Variants in SGTB observed in about 807,000 individuals in gnomAD.
The protein encoded by SGTB is small glutamine-rich tetratricopeptide repeat-containing protein beta.
SGTB carries 19 observed loss-of-function variants against 43.9 expected under a neutral mutation model. The ratio of observed to expected loss-of-function variants is 0.43; its 90% CI spans 0.30 to 0.63. The LOEUF is 0.63. SGTB is among the 30% of genes least tolerant of loss of function. The pLI, the probability that SGTB is intolerant of heterozygous loss-of-function variation, is 0.12. For synonymous variants in SGTB, 116 were observed against 117.3 expected, an observed-to-expected ratio of 0.99 and a Z score of 0.07; for missense variants, 304 against 358.9, an observed-to-expected ratio of 0.85 and a Z score of 1.24.
At chr5:65,716,029 C>T (rs951450148) in intron 2 of SGTB, among the ~76,000 whole-genome samples, 4 of 152,208 alleles carry the variant, frequency 2.6e-5, no homozygotes, top group Non-Finnish European at 4.4e-5. Context: ...CTCGGCCTCC[C>T]GAAGTACTGG....
intron 8 of SGTB, among the ~76,000 whole-genome samples, chr5:65,672,998 A>C (rs1757188135): frequency 6.6e-6 from 1 of 152,218 alleles, no homozygotes; most frequent in African/African-American, 2.4e-5. Flanking sequence ...AAGGCATTAC[A>C]CAGGAAAAGC....
rs1345913366 is a variant in SGTB, at chr5:65,665,928, T to A, written c.*4318A>T. The A allele has an allele frequency of 6.6e-6, 1 of 152,602 alleles. No homozygotes were observed. Among genetic ancestry groups the A allele is most frequent in the Admixed American group, 6.5e-5 (1 of 15,274 alleles). 9.5% of individuals were successfully genotyped at this position (152,602 alleles called of 1,614,324 possible). A position where few individuals can be genotyped will look rare whatever the true frequency, so the allele number is the denominator to read the frequency against. ...GAGTGCATTAAATCAAATACAAAAATTGGTTTTTCAATGCATCATTATTTA... is the reference window on the plus strand; with the variant it reads ...GAGTGCATTAAATCAAATACAAAAAATGGTTTTTCAATGCATCATTATTTA... On this transcript the variant is annotated 3_prime_UTR_variant, in exon 11 of 11. Coordinates refer to ENST00000381007, the MANE Select transcript of SGTB (RefSeq NM_019072.3).
rs11312137 is a variant in SGTB, at chr5:65,720,081, CTT to C, written c.100+625_100+626del. On this transcript the variant is annotated intron_variant, in intron 2 of 10. Transcript: ENST00000381007. ...CGCTATTTGGTTTCATTTTCTTTTT[CTT>C]TTTTTTTTTTTTTTTTTGAGATAGG... Among the ~76,000 whole-genome samples, 718 of 124,922 alleles carry C rather than the reference CTT, an allele frequency of 5.7e-3. 8 individuals are homozygous for C. Among genetic ancestry groups the C allele is most frequent in the African/African-American group, 0.019 (640 of 33,384 alleles). 82.0% of individuals were successfully genotyped at this position (124,922 alleles called of 152,430 possible).
At position 65,667,663 on chromosome 5, in the gene SGTB, G is replaced by A. The variant is rs990842737; in HGVS notation, c.*2583C>T. On this transcript the variant is annotated 3_prime_UTR_variant, in exon 11 of 11. Transcript: ENST00000381007. ...CTTTGTTTGGCCCAGGTGCTTAGGT[G>A]TTTGCAGGTCTGAGAAACCTCTAAC... 6.6e-6 allele frequency: 1 copy of A among 152,184 alleles called. No individual in the cohort carries two copies. The highest frequency in any genetic ancestry group is 1.5e-5 in the Non-Finnish European group (1 of 68,044). The allele number at this position is 152,184 out of a possible 1,614,324, so 9.4% of individuals were successfully genotyped here.
intron 8 of SGTB, among the ~76,000 whole-genome samples, chr5:65,673,347 G>T (rs1397026705): frequency 6.6e-6 from 1 of 152,192 alleles, no homozygotes; most frequent in Non-Finnish European, 1.5e-5. Context: ...TATAGTAGCG[G>T]TCCCCAACCC....
At chr5:65,718,022 T>C (rs920450036) in intron 2 of SGTB, among the ~76,000 whole-genome samples, 4 of 151,836 alleles carry the variant, frequency 2.6e-5, no homozygotes, top group Admixed American at 2.6e-4. Flanking sequence ...AGATTGGAGG[T>C]ACTGGTTGGG....
intron 5 of SGTB, among the ~76,000 whole-genome samples, chr5:65,686,933 A>G (rs1757510937): frequency 6.6e-6 from 1 of 152,206 alleles, no homozygotes; most frequent in Non-Finnish European, 1.5e-5. Context: ...CTACTTCTAT[A>G]TCACATCCAG....
chr5:65,680,929 G>A (rs777168374), intron 6 of SGTB, 135 bp from the exon 7 acceptor site: 21 of 976,582 alleles, frequency 2.2e-5, no homozygotes, highest in Non-Finnish European at 2.9e-5. Context: ...ACTGTACTAT[G>A]GCTCACGGGA....
In SGTB at chr5:65,722,106, G is replaced by A. The variant is rs1579895493; in HGVS notation, c.-212C>T. ...GCTGTGCTCTCTCTCAGGCGGCAGGGTCTGGCCAGCACCGCCCCTGGGGCG... is the reference window on the plus strand; with the variant it reads ...GCTGTGCTCTCTCTCAGGCGGCAGGATCTGGCCAGCACCGCCCCTGGGGCG... On this transcript the variant is annotated 5_prime_UTR_variant, in exon 1 of 11. Transcript: ENST00000381007. The A allele has an allele frequency of 1.7e-5, 3 of 176,746 alleles. No individual in the cohort carries two copies. In the East Asian group the frequency reaches 4.6e-4, roughly 27 times the overall value. The allele number at this position is 176,746 out of a possible 1,614,324, so 10.9% of individuals were successfully genotyped here. A position where few individuals can be genotyped will look rare whatever the true frequency, so the allele number is the denominator to read the frequency against.
intron 5 of SGTB, among the ~76,000 whole-genome samples, chr5:65,702,734 A>T (rs927505281): frequency 3.3e-5 from 5 of 152,180 alleles, no homozygotes; most frequent in African/African-American, 1.2e-4. Flanking sequence ...TAAAATTCAC[A>T]TTAGTATATG....
chr5:65,701,974 C>T (rs27149), intron 5 of SGTB, among the ~76,000 whole-genome samples: 38,552 of 152,108 alleles, frequency 0.25, 5,236 homozygotes, highest in Non-Finnish European at 0.3. Flanking sequence ...AAATTTAGTT[C>T]CTCAATTGCT....
chr5:65,671,608 GAA>G (rs1757154576), intron 10 of SGTB, among the ~76,000 whole-genome samples: 1 of 132,150 alleles, frequency 7.6e-6, no homozygotes, highest in Admixed American at 9.1e-5. Context: ...GCTGGTACTT[GAA>G]AGTCCCAAAA....
At chr5:65,681,135 A>G (rs115634911) in intron 6 of SGTB, among the ~76,000 whole-genome samples, 2,109 of 152,258 alleles carry the variant, frequency 0.014, 55 homozygotes, top group African/African-American at 0.048. Flanking sequence ...TGAGTTGACA[A>G]TCATGTGGTC....
At chr5:65,709,438 G>C (rs1471857299) in intron 3 of SGTB, among the ~76,000 whole-genome samples, 1 of 151,416 alleles carries the variant, frequency 6.6e-6, no homozygotes, top group African/African-American at 2.4e-5. Flanking sequence ...AAGTGCAGTG[G>C]CATGATCTCG....
At position 65,669,856 on chromosome 5, in the gene SGTB, A is replaced by C. The variant is rs1757120939; in HGVS notation, c.*390T>G. Reference sequence around the variant, plus strand: ...TTTCCTTTGGGTCATTTCCCTTCTCAAAAAACTTTGCTTAAGGGAAATTGG... The same window carrying C: ...TTTCCTTTGGGTCATTTCCCTTCTCCAAAAACTTTGCTTAAGGGAAATTGG... On this transcript the variant is annotated 3_prime_UTR_variant, in exon 11 of 11. Transcript: ENST00000381007. The C allele has an allele frequency of 6.3e-6, 1 of 158,594 alleles. No individual in the cohort carries two copies. Among genetic ancestry groups the C allele is most frequent in the Non-Finnish European group, 1.4e-5 (1 of 72,204 alleles). 9.8% of individuals were successfully genotyped at this position (158,594 alleles called of 1,614,324 possible). A position where few individuals can be genotyped will look rare whatever the true frequency, so the allele number is the denominator to read the frequency against.
intron 6 of SGTB, among the ~76,000 whole-genome samples, chr5:65,681,393 T>C (rs942095929): frequency 3.9e-5 from 6 of 152,242 alleles, no homozygotes; most frequent in African/African-American, 1.2e-4. Flanking sequence ...TTAATGTTCA[T>C]ATTTACCTAG....
At chr5:65,722,273 A>G, upstream of SGTB, 1 of 888,260 alleles carries the variant, frequency 1.1e-6, no homozygotes, top group Non-Finnish European at 1.6e-6. Context: ...CTCTGCGGCT[A>G]GGCCGGCTCG....
At chr5:65,715,851 C>T (rs1758136735) in intron 2 of SGTB, among the ~76,000 whole-genome samples, 1 of 152,184 alleles carries the variant, frequency 6.6e-6, no homozygotes, top group African/African-American at 2.4e-5. Flanking sequence ...CTCACTGTAA[C>T]CTGTGCCTCC....
In SGTB at chr5:65,696,025, A is replaced by T. The variant is rs114671720; in HGVS notation, c.374+8254T>A. ...CATGCTGCTCACAGAAGAGGAGGAA[A>T]CAAAATGCGAAATAATGAGGCCTCT... On this transcript the variant is annotated intron_variant, in intron 5 of 10. Coordinates refer to ENST00000381007, the MANE Select transcript of SGTB (RefSeq NM_019072.3). 2.2e-3 allele frequency among the ~76,000 whole-genome samples: 331 copies of T among 152,344 alleles called. 3 individuals are homozygous for T. The highest frequency in any genetic ancestry group is 7.9e-3 in the African/African-American group (327 of 41,568).
Sources: gnomAD v4.1 joint callset for allele counts (sites outside exome capture counted in the v4.1 genomes callset) on GRCh38, gnomAD v4.1.1 for gene constraint, MANE v1.5 for transcripts, NCBI Gene and HGNC (gene_info 2026-07-23, HGNC 2026-07-21) for gene names.